The following RBFOX1 variants were observed in gnomAD, a reference collection of about 807,000 sequenced individuals.
The protein encoded by RBFOX1 is RNA binding protein fox-1 homolog 1.
In RBFOX1, 8 loss-of-function variants were observed where a neutral mutation model predicts 57.7. The ratio of observed to expected loss-of-function variants is 0.14; its 90% CI spans 0.08 to 0.25. RBFOX1 has a LOEUF of 0.25. RBFOX1 is among the 10% of genes least tolerant of loss of function. The pLI is 1.00. For synonymous variants in RBFOX1, 326 were observed against 222.4 expected, an observed-to-expected ratio of 1.47 and a Z score of -4.15; for missense variants, 611 against 548.5, an observed-to-expected ratio of 1.11 and a Z score of -1.14.
intron 3 of RBFOX1, among the ~76,000 whole-genome samples, chr16:5,847,969 G>C (rs2056799303): frequency 6.6e-6 from 1 of 152,160 alleles, no homozygotes; most frequent in Non-Finnish European, 1.5e-5. Flanking sequence ...CTAGTGCCAT[G>C]GCTCTGACAT....
At chr16:7,087,088 G>A (rs1415848462) in intron 4 of RBFOX1, among the ~76,000 whole-genome samples, 5 of 152,196 alleles carry the variant, frequency 3.3e-5, no homozygotes, top group African/African-American at 1.2e-4. Flanking sequence ...GCGGTGTGAA[G>A]AGTAATGAGT....
chr16:6,147,569 C>A (rs987961844), intron 1 of RBFOX1, among the ~76,000 whole-genome samples: 2 of 151,862 alleles, frequency 1.3e-5, no homozygotes, highest in South Asian at 4.2e-4. Context: ...AAACACCCAA[C>A]AATTAAAACT....
chr16:6,211,603 A>G (rs920744122), intron 1 of RBFOX1, among the ~76,000 whole-genome samples: 1 of 152,162 alleles, frequency 6.6e-6, no homozygotes, highest in Non-Finnish European at 1.5e-5. Context: ...GAATAAGGGT[A>G]GCTTCAGCAA....
Position 6,187,429 on chromosome 16 carries a change from A to G in RBFOX1, c.-126-129566A>G, listed in dbSNP as rs529206358. 1.1e-3 allele frequency among the ~76,000 whole-genome samples: 162 copies of G among 152,288 alleles called. 1 individual carries two copies. Among genetic ancestry groups the G allele is most frequent in the Admixed American group, 2.0e-3 (30 of 15,292 alleles). On this transcript the variant is annotated intron_variant, in intron 1 of 15. Transcript: ENST00000550418. The stretch of plus-strand genomic sequence containing the variant: ...GGTCAGGGCAGAGATAACAGGGATA[A>G]AAGATTGGGAATTTAGGCGGAAGTC...
upstream of RBFOX1, among the ~76,000 whole-genome samples, chr16:6,016,320 C>G (rs2094993463): frequency 1.3e-5 from 2 of 152,064 alleles, no homozygotes; most frequent in Non-Finnish European, 2.9e-5. Flanking sequence ...AAATGGAGAT[C>G]TAAAAACTAA....
intron 4 of RBFOX1, among the ~76,000 whole-genome samples, chr16:7,345,454 C>G (rs1185291238): frequency 6.6e-6 from 1 of 152,170 alleles, no homozygotes; most frequent in East Asian, 1.9e-4. Flanking sequence ...CTTAAGGATT[C>G]TAATGAGCTG....
intron 4 of RBFOX1, among the ~76,000 whole-genome samples, chr16:7,266,753 T>A (rs2095158644): frequency 6.6e-6 from 1 of 151,878 alleles, no homozygotes; most frequent in Non-Finnish European, 1.5e-5. Flanking sequence ...TTTTAGCTAA[T>A]GTTAAATGCT....
intron 4 of RBFOX1, among the ~76,000 whole-genome samples, chr16:5,931,220 C>G (rs1395556178): frequency 2.6e-5 from 4 of 152,252 alleles, no homozygotes; most frequent in East Asian, 1.9e-4. Flanking sequence ...TGCTCATGGC[C>G]TCAGTGAGAA....
chr16:5,357,163 C>T (rs897641016), intron 1 of RBFOX1, among the ~76,000 whole-genome samples: 3 of 152,174 alleles, frequency 2.0e-5, no homozygotes, highest in Admixed American at 2.0e-4. Context: ...TCGAGCCCTT[C>T]CCTGGGAACT....
intron 3 of RBFOX1, among the ~76,000 whole-genome samples, chr16:6,818,624 C>G (rs573548057): frequency 1.3e-5 from 2 of 152,152 alleles, no homozygotes; most frequent in African/African-American, 4.8e-5. Flanking sequence ...TCACTCAGCA[C>G]CTGTGATGAA....
intron 1 of RBFOX1, chr16:5,467,119 A>C (rs1025256611): frequency 2.5e-5 from 33 of 1,302,052 alleles, no homozygotes; most frequent in Middle Eastern, 2.2e-4. Flanking sequence ...TTCTTTTTTA[A>C]ATCTAAGAGA....
At chr16:6,771,244 T>C (rs1442547294) in intron 3 of RBFOX1, among the ~76,000 whole-genome samples, 1 of 152,144 alleles carries the variant, frequency 6.6e-6, no homozygotes, top group Non-Finnish European at 1.5e-5. Flanking sequence ...CCCTCCAGAA[T>C]TGTGAGAAAA....
chr16:5,304,862 A>G (rs1280007989), intron 1 of RBFOX1, among the ~76,000 whole-genome samples: 1 of 152,138 alleles, frequency 6.6e-6, no homozygotes, highest in Non-Finnish European at 1.5e-5. Context: ...ATATAGAGAA[A>G]TGTTTTCATT....
intron 3 of RBFOX1, among the ~76,000 whole-genome samples, chr16:5,695,560 A>G (rs77305708): frequency 0.026 from 3,964 of 152,294 alleles, 149 homozygotes; most frequent in East Asian, 0.16. Context: ...TAATTGGTCA[A>G]TCTTAGGATT....
intron 3 of RBFOX1, among the ~76,000 whole-genome samples, chr16:6,901,290 C>T (rs1460517255): frequency 6.6e-6 from 1 of 152,192 alleles, no homozygotes; most frequent in African/African-American, 2.4e-5. Flanking sequence ...AAGCCCATCC[C>T]TCTCCGTGGG....
At chr16:7,457,132 C>G (rs1486969889) in intron 4 of RBFOX1, among the ~76,000 whole-genome samples, 1 of 152,078 alleles carries the variant, frequency 6.6e-6, no homozygotes, top group African/African-American at 2.4e-5. Flanking sequence ...GGAGATCCGC[C>G]TGCCTCAGCC....
chr16:6,967,995 G>A (rs973527756), intron 3 of RBFOX1, among the ~76,000 whole-genome samples: 2 of 152,142 alleles, frequency 1.3e-5, no homozygotes, highest in East Asian at 1.9e-4. Flanking sequence ...TGATGACAGC[G>A]GGAAGGTGCT....
chr16:7,066,384 A>G (rs1378322979), intron 4 of RBFOX1, among the ~76,000 whole-genome samples: 2 of 152,208 alleles, frequency 1.3e-5, no homozygotes, highest in East Asian at 3.8e-4. Context: ...AGGCTAAGAT[A>G]CGAGAAGGGT....
intron 3 of RBFOX1, among the ~76,000 whole-genome samples, chr16:6,958,774 A>G (rs1340906321): frequency 6.6e-6 from 1 of 152,200 alleles, no homozygotes; most frequent in Non-Finnish European, 1.5e-5. Context: ...GGGCAGAAAC[A>G]TTAATGAAAA....
Sources: gnomAD v4.1 joint callset for allele counts (sites outside exome capture counted in the v4.1 genomes callset) on GRCh38, gnomAD v4.1.1 for gene constraint, MANE v1.5 for transcripts, NCBI Gene and HGNC (gene_info 2026-07-23, HGNC 2026-07-21) for gene names.